Variants in MAP3K13 observed in about 807,000 individuals in gnomAD.
The protein encoded by MAP3K13 is leucine zipper-bearing kinase.
MAP3K13 carries 52 observed loss-of-function variants against 104.0 expected under a neutral mutation model. The observed-to-expected ratio is 0.50, with a 90% CI of 0.40 to 0.63. The LOEUF (loss-of-function observed/expected upper bound fraction) is 0.63, where lower values mean the gene tolerates loss of function less well. Ranked by LOEUF, MAP3K13 falls within the 20% of genes least tolerant of loss-of-function variation. The pLI, the probability that MAP3K13 is intolerant of heterozygous loss-of-function variation, is 0.00. For missense variants in MAP3K13, 914 were observed against 1,218.5 expected, an observed-to-expected ratio of 0.75 and a Z score of 3.72; for synonymous variants, 394 against 442.2, an observed-to-expected ratio of 0.89 and a Z score of 1.37.
rs1718530231 is a variant in MAP3K13 at position 185,482,632 on chromosome 3, G to A, written c.*176G>A. On this transcript the variant is annotated 3_prime_UTR_variant, in exon 14 of 14. Coordinates refer to ENST00000265026, the MANE Select transcript of MAP3K13 (RefSeq NM_004721.5). This position sits in a 1 kb window ranked among gnomAD's most constrained non-coding sequence, Gnocchi z 4.5. ...GGAACATGAGACTTCGCAAATCTCT[G>A]GAAAATAATATCCAAATGAAATTAA... The A allele has an allele frequency of 3.8e-6, 2 of 519,670 alleles. No homozygotes were observed. Among genetic ancestry groups the A allele is most frequent in the South Asian group, 2.9e-5 (1 of 34,252 alleles). The allele number at this position is 519,670 out of a possible 1,614,324, so 32.2% of individuals were successfully genotyped here. A position where few individuals can be genotyped will look rare whatever the true frequency, so the allele number is the denominator to read the frequency against.
chr3:185,373,155 A>G (rs1156784878), intron 1 of MAP3K13, among the ~76,000 whole-genome samples: 1 of 152,204 alleles, frequency 6.6e-6, no homozygotes, highest in Admixed American at 6.5e-5. Flanking sequence ...GTGATAGCCA[A>G]GGATTTGTCA....
chr3:185,419,352 G>A (rs1244264338), intron 1 of MAP3K13, among the ~76,000 whole-genome samples: 1 of 152,148 alleles, frequency 6.6e-6, no homozygotes, highest in African/African-American at 2.4e-5. Context: ...GTGACAATTA[G>A]CTTTCCTGAC....
chr3:185,359,842 G>C (rs1291395700), upstream of MAP3K13, among the ~76,000 whole-genome samples: 2 of 151,314 alleles, frequency 1.3e-5, no homozygotes, highest in Non-Finnish European at 2.9e-5. Context: ...CTTTTTCCTG[G>C]TATTTCTGAC....
At position 185,428,795 on chromosome 3, in the gene MAP3K13, G is replaced by A. The variant is rs142468620; in HGVS notation, c.214G>A (p.Val72Ile). 20 of 1,614,000 alleles carry A rather than the reference G, an allele frequency of 1.2e-5. No homozygotes were observed. The highest frequency in any genetic ancestry group is 2.7e-5 in the African/African-American group (2 of 74,920). Residue 72 changes from valine (V) to isoleucine (I), a missense_variant, in exon 2 of 14, where the codon GTA becomes ATA. Val to Ile is a conservative substitution (Grantham distance 29). This residue lies in a region of MAP3K13 where 156 missense variants were observed against 159.8 expected (regional missense o/e 0.98). Coordinates refer to ENST00000265026, the MANE Select transcript of MAP3K13 (RefSeq NM_004721.5). Reference protein sequence around the residue: ...SPVTTTVLTSVSEDSRDQFEN... With the variant: ...SPVTTTVLTSISEDSRDQFEN... ...CGTCACCACAACAGTGTTGACGAGC[G>A]TAAGTGAGGATTCCAGGGACCAGTT... is the stretch of plus-strand genomic sequence containing the variant.
intron 2 of MAP3K13, among the ~76,000 whole-genome samples, chr3:185,322,695 C>T (rs1428085384): frequency 1.3e-5 from 2 of 152,212 alleles, no homozygotes; most frequent in Admixed American, 1.3e-4. Flanking sequence ...TAAACTCACT[C>T]TCACATCCCC....
chr3:185,338,745 C>G (rs1425258771), intron 2 of MAP3K13, among the ~76,000 whole-genome samples: 1 of 152,058 alleles, frequency 6.6e-6, no homozygotes, highest in Non-Finnish European at 1.5e-5. Context: ...GCTCCCCTTT[C>G]CTGCTACATC....
At position 185,466,728 on chromosome 3, in the gene MAP3K13, A is replaced by G. The variant is rs1314875156; in HGVS notation, c.1506-98A>G. The G allele has an allele frequency of 8.6e-6, 12 of 1,391,892 alleles. No individual in the cohort carries two copies. In the South Asian group the frequency reaches 1.4e-4, roughly 17 times the overall value. 86.2% of individuals were successfully genotyped at this position (1,391,892 alleles called of 1,614,324 possible). On this transcript the variant is annotated intron_variant, in intron 9 of 13. Transcript: ENST00000265026. ...GCAGTCTTGTTATTCAAATAGCTAA[A>G]TGTGGCAGAATCTGTGGTAGAATTA... is the stretch of plus-strand genomic sequence containing the variant.
In MAP3K13 at chr3:185,454,685, T is replaced by G. The variant is rs1162068596; in HGVS notation, c.1278+3290T>G. On this transcript the variant is annotated intron_variant, in intron 7 of 13. Coordinates refer to ENST00000265026, the MANE Select transcript of MAP3K13 (RefSeq NM_004721.5). ...TGATATATATGAGATATTTATATGA[T>G]ATATATATGAGATATATATATCATA... 1.6e-3 allele frequency among the ~76,000 whole-genome samples: 104 copies of G among 64,658 alleles called. 17 individuals carry two copies. Among genetic ancestry groups the G allele is most frequent in the African/African-American group, 5.4e-3 (104 of 19,322 alleles). The allele number at this position is 64,658 out of a possible 152,430, so 42.4% of individuals were successfully genotyped here. A position where few individuals can be genotyped will look rare whatever the true frequency, so the allele number is the denominator to read the frequency against.
intron 2 of MAP3K13, among the ~76,000 whole-genome samples, chr3:185,302,537 C>T (rs1157219268): frequency 6.6e-6 from 1 of 152,058 alleles, no homozygotes; most frequent in East Asian, 1.9e-4. Flanking sequence ...TTTCAATGTA[C>T]AAGTCTTTTC....
At chr3:185,385,182 ACT>A (rs1711613556) in intron 1 of MAP3K13, among the ~76,000 whole-genome samples, 1 of 151,908 alleles carries the variant, frequency 6.6e-6, no homozygotes, top group African/African-American at 2.4e-5. Context: ...GCAAAGTCTC[ACT>A]CTGTCTCTCA....
chr3:185,401,807 G>A (rs1316253905), intron 1 of MAP3K13, among the ~76,000 whole-genome samples: 3 of 152,144 alleles, frequency 2.0e-5, no homozygotes, highest in African/African-American at 7.2e-5. Context: ...TGGAAATGAG[G>A]TTTTGAGGCA....
intron 1 of MAP3K13, among the ~76,000 whole-genome samples, chr3:185,399,159 G>A (rs1034999323): frequency 2.6e-5 from 4 of 152,110 alleles, no homozygotes; most frequent in African/African-American, 9.7e-5. Context: ...GAAAGGATAG[G>A]AGGAGATTAT....
intron 2 of MAP3K13, among the ~76,000 whole-genome samples, chr3:185,433,153 T>C (rs1396054715): frequency 1.3e-5 from 2 of 152,244 alleles, no homozygotes; most frequent in African/African-American, 4.8e-5. Context: ...AATTTAATCT[T>C]TTATTGTCAA....
At chr3:185,387,335 T>A (rs1711754972) in intron 1 of MAP3K13, among the ~76,000 whole-genome samples, 1 of 152,058 alleles carries the variant, frequency 6.6e-6, no homozygotes, top group South Asian at 2.1e-4. Context: ...AAAAAGAGCC[T>A]GGCACCTCCC....
At chr3:185,309,818 T>TTTTTG (rs1342736590) in intron 2 of MAP3K13, among the ~76,000 whole-genome samples, 1 of 151,784 alleles carries the variant, frequency 6.6e-6, no homozygotes, top group Admixed American at 6.6e-5. Flanking sequence ...TACTGGAGGG[T>TTTTTG]TTTTGTTTTG....
At chr3:185,385,133 G>A (rs1711609035) in intron 1 of MAP3K13, among the ~76,000 whole-genome samples, 1 of 152,034 alleles carries the variant, frequency 6.6e-6, no homozygotes, top group Non-Finnish European at 1.5e-5. Context: ...CAGGACTGGT[G>A]GCTTTACTGC....
chr3:185,391,629 T>C (rs930112256), intron 1 of MAP3K13, among the ~76,000 whole-genome samples: 6 of 152,212 alleles, frequency 3.9e-5, no homozygotes, highest in Non-Finnish European at 7.3e-5. Context: ...TGGTTGAACA[T>C]AGGAAATCAA....
chr3:185,349,937 C>T (rs1248653592), intron 2 of MAP3K13, among the ~76,000 whole-genome samples: 1 of 152,180 alleles, frequency 6.6e-6, no homozygotes, highest in Middle Eastern at 3.2e-3. Flanking sequence ...TAAAGAATGT[C>T]TATTGTTGGT....
At chr3:185,322,276 T>C (rs1721898254) in intron 2 of MAP3K13, among the ~76,000 whole-genome samples, 1 of 152,244 alleles carries the variant, frequency 6.6e-6, no homozygotes, top group African/African-American at 2.4e-5. Flanking sequence ...TTCTGTAATC[T>C]GGGTTCCGTT....
Sources: gnomAD v4.1 joint callset for allele counts (sites outside exome capture counted in the v4.1 genomes callset) on GRCh38, gnomAD v4.1.1 for gene constraint, gnomAD v4.1.1 regional missense constraint, Gnocchi (gnomAD v3.1) non-coding constraint, MANE v1.5 for transcripts, NCBI Gene and HGNC (gene_info 2026-07-23, HGNC 2026-07-21) for gene names.